Variants in C4orf50 observed in about 807,000 individuals in gnomAD.
The protein encoded by C4orf50 is uncharacterized protein C4orf50.
A neutral mutation model predicts 77.2 loss-of-function variants in C4orf50; 80 were observed. That is an observed-to-expected ratio of 1.04 (90% CI 0.87 to 1.25). The LOEUF (loss-of-function observed/expected upper bound fraction) is 1.25. Among genes scored for constraint, C4orf50 ranks in the 50% most tolerant of loss-of-function variants. C4orf50 has a pLI of 0.00. For synonymous variants in C4orf50, 532 were observed against 465.3 expected, an observed-to-expected ratio of 1.14 and a Z score of -1.84; for missense variants, 1,257 against 1,152.9, an observed-to-expected ratio of 1.09 and a Z score of -1.31.
exon 28 of C4orf50, chr4:5,989,535 C>A: frequency 6.5e-7 from 1 of 1,536,154 alleles, no homozygotes; most frequent in South Asian, 1.2e-5. Context: ...AGCTCCAGTT[C>A]TCTCCCCTAC....
Position 5,908,473 on chromosome 4 carries a change from G to A in C4orf50, c.*2475-10285C>T, listed in dbSNP as rs535804238. On this transcript the variant is annotated intron_variant, in intron 7 of 7. Coordinates refer to the C4orf50 transcript ENST00000324058. The surrounding 1 kb of genome is among the most constrained non-coding windows in gnomAD (Gnocchi z 5.6). The stretch of plus-strand genomic sequence containing the variant: ...TCATATGTCCTGGGGAGTTGGCAGC[G>A]ACTAGGCTACAGCCTCCCTTCAGAG... Among the ~76,000 whole-genome samples, 2 of 152,160 alleles carry A rather than the reference G, an allele frequency of 1.3e-5. No individual in the cohort carries two copies. The highest frequency in any genetic ancestry group is 2.1e-4 in the South Asian group (1 of 4,808).
At chr4:5,976,007 C>G in intron 29 of C4orf50, 52 bp from the exon 8 acceptor site, 1 of 1,460,596 alleles carries the variant, frequency 6.8e-7, no homozygotes, top group African/African-American at 1.4e-5. Context: ...TTACCACTGT[C>G]CAGAGCTTCC....
chr4:5,902,572 C>A (rs372294901), intron 7 of C4orf50: 16 of 152,166 alleles, frequency 1.1e-4, no homozygotes, highest in African/African-American at 3.9e-4. Context: ...AGCCCTCTGC[C>A]GGATGCTTTT....
At chr4:5,995,293 G>A (rs1401317104) in intron 25 of C4orf50, among the ~76,000 whole-genome samples, 1 of 152,088 alleles carries the variant, frequency 6.6e-6, no homozygotes, top group African/African-American at 2.4e-5. Flanking sequence ...AGGGGGTTTG[G>A]ACCGTCCTGT....
At chr4:5,936,467 C>T (rs1718017984) in intron 7 of C4orf50, among the ~76,000 whole-genome samples, 1 of 144,286 alleles carries the variant, frequency 6.9e-6, no homozygotes, top group African/African-American at 2.6e-5. Context: ...GAGGCTGATG[C>T]AGGAGAATTG....
At position 5,916,269 on chromosome 4, in the gene C4orf50, T is replaced by C. The variant is rs931053624; in HGVS notation, c.*2475-18081A>G. On this transcript the variant is annotated intron_variant, in intron 7 of 7. Coordinates refer to the C4orf50 transcript ENST00000324058. This position sits in a 1 kb window ranked among gnomAD's most constrained non-coding sequence, Gnocchi z 4.4. ...TGGGGGGCCCATGCACAGAGAATCATAGTTTCAGAATGAAGAATTCCCATT... is the reference window on the plus strand; with the variant it reads ...TGGGGGGCCCATGCACAGAGAATCACAGTTTCAGAATGAAGAATTCCCATT... Among the ~76,000 whole-genome samples, 1 of 152,180 alleles carries C rather than the reference T, an allele frequency of 6.6e-6. No homozygotes were observed. The highest frequency in any genetic ancestry group is 1.5e-5 in the Non-Finnish European group (1 of 68,024).
At chr4:5,933,132 T>G (rs1358831106) in intron 7 of C4orf50, among the ~76,000 whole-genome samples, 3 of 152,216 alleles carry the variant, frequency 2.0e-5, no homozygotes, top group Admixed American at 2.0e-4. Flanking sequence ...CCTCTCTGCC[T>G]CTGGATCTTT....
intron 26 of C4orf50, among the ~76,000 whole-genome samples, chr4:5,993,539 G>A (rs990066441): frequency 2.0e-5 from 3 of 152,210 alleles, no homozygotes; most frequent in South Asian, 4.1e-4. Context: ...GGCTCAAGCC[G>A]GGTGTGGTGG....
intron 33 of C4orf50, among the ~76,000 whole-genome samples, chr4:5,963,127 T>G (rs1719369782): frequency 6.6e-6 from 1 of 151,726 alleles, no homozygotes; most frequent in Non-Finnish European, 1.5e-5. Context: ...GCCTCCCGAG[T>G]AGCTGAGACT....
chr4:5,973,527 T>C (rs1577951617), intron 31 of C4orf50, 132 bp downstream of exon 9: 1 of 743,754 alleles, frequency 1.3e-6, no homozygotes, highest in African/African-American at 1.8e-5. Flanking sequence ...AGCCAGGGGG[T>C]GTCTTCTTGG....
Position 5,948,890 on chromosome 4 carries a change from T to C in C4orf50, c.*2474+8011A>G, listed in dbSNP as rs529177199. Among the ~76,000 whole-genome samples, 213 of 142,006 alleles carry C rather than the reference T, an allele frequency of 1.5e-3. 1 individual carries two copies. Among genetic ancestry groups the C allele is most frequent in the Non-Finnish European group, 2.4e-3 (160 of 66,862 alleles). The allele number at this position is 142,006 out of a possible 152,430, so 93.2% of individuals were successfully genotyped here. A position where few individuals can be genotyped will look rare whatever the true frequency, so the allele number is the denominator to read the frequency against. On this transcript the variant is annotated intron_variant, in intron 7 of 7. Transcript: ENST00000324058. ...GCAGGAGAATCACTTGAACTTGGGATGCAGAGGTTGCAGTGAGCCAAGATT... is the reference window on the plus strand; with the variant it reads ...GCAGGAGAATCACTTGAACTTGGGACGCAGAGGTTGCAGTGAGCCAAGATT...
intron 25 of C4orf50, among the ~76,000 whole-genome samples, chr4:5,997,426 A>G (rs1721644634): frequency 6.6e-6 from 1 of 152,188 alleles, no homozygotes; most frequent in Non-Finnish European, 1.5e-5. Context: ...TGTCTAGTTT[A>G]CCCCTTCATG....
chr4:5,985,214 T>A (rs1360760791), intron 28 of C4orf50, among the ~76,000 whole-genome samples: 2 of 151,708 alleles, frequency 1.3e-5, no homozygotes, highest in Non-Finnish European at 1.5e-5. Flanking sequence ...CACCAGAAAA[T>A]TATCACTACA....
At chr4:5,990,934 G>A (rs1227952802) in intron 27 of C4orf50, 110 bp from the exon 6 acceptor site, 16 of 397,768 alleles carry the variant, frequency 4.0e-5, no homozygotes, top group Non-Finnish European at 6.6e-5. Flanking sequence ...AGCTGCACAG[G>A]GGACAAGCTC....
chr4:5,981,490 C>T (rs541213858), intron 28 of C4orf50, among the ~76,000 whole-genome samples: 9 of 151,550 alleles, frequency 5.9e-5, no homozygotes, highest in African/African-American at 1.2e-4. Context: ...CCGCAACCTC[C>T]GCCTCCCAGG....
rs1302425907 is a variant in C4orf50, at chr4:5,989,069, GTTCT to G, written c.2973_2976del (p.Lys991AsnfsTer33). On this transcript the variant is annotated frameshift_variant, in exon 28 of 34. Coordinates refer to ENST00000531445, the Ensembl canonical transcript of C4orf50. LOFTEE classifies it high-confidence loss of function. ...GAGATTGCCTGTAAATATTGATCCA[GTTCT>G]TTCTTTAACTGAGAGATGTCCCCTA... is the stretch of plus-strand genomic sequence containing the variant. 6 of 1,536,034 alleles carry G rather than the reference GTTCT, an allele frequency of 3.9e-6. No homozygotes were observed. Among genetic ancestry groups the G allele is most frequent in the Non-Finnish European group, 4.4e-6 (5 of 1,146,904 alleles).
chr4:5,932,229 C>A lies in C4orf50; in HGVS notation c.*2474+24672G>T, dbSNP rs905791826. On this transcript the variant is annotated intron_variant, in intron 7 of 7. Transcript: ENST00000324058. The surrounding 1 kb of genome is among the most constrained non-coding windows in gnomAD (Gnocchi z 4.2). ...GTTCTTGGCTGAATGCCCCACAGAGCAGAAGCGTGTCGCATTTCTACTCTG... is the reference window on the plus strand; with the variant it reads ...GTTCTTGGCTGAATGCCCCACAGAGAAGAAGCGTGTCGCATTTCTACTCTG... Among the ~76,000 whole-genome samples, 4 of 151,838 alleles carry A rather than the reference C, an allele frequency of 2.6e-5. No individual in the cohort carries two copies. Among genetic ancestry groups the A allele is most frequent in the African/African-American group, 9.7e-5 (4 of 41,310 alleles).
At chr4:5,988,827 A>G (rs1431227419) in exon 28 of C4orf50, 1 of 1,535,946 alleles carries the variant, frequency 6.5e-7, no homozygotes, top group Non-Finnish European at 8.7e-7. Flanking sequence ...CTAGCACGAT[A>G]TCCTTTATCA....
chr4:5,899,479 A>C (rs757369368), intron 7 of C4orf50: 1 of 152,230 alleles, frequency 6.6e-6, no homozygotes, highest in Non-Finnish European at 1.5e-5. Context: ...CATGCATTTC[A>C]TTTCTTTAAG....
Sources: allele counts gnomAD v4.1 joint callset (sites outside exome capture counted in the v4.1 genomes callset), GRCh38; gene constraint gnomAD v4.1.1; non-coding constraint Gnocchi (gnomAD v3.1); transcripts MANE v1.5; gene names NCBI Gene and HGNC (gene_info 2026-07-23, HGNC 2026-07-21).